Variants in SIN3A observed in about 807,000 individuals in gnomAD.
SIN3A encodes paired amphipathic helix protein Sin3a.
A neutral mutation model predicts 146.1 loss-of-function variants in SIN3A; 14 were observed. The observed-to-expected ratio is 0.10, with a 90% CI of 0.06 to 0.15. The LOEUF (loss-of-function observed/expected upper bound fraction) is 0.15. Ranked by LOEUF, SIN3A falls within the 10% of genes least tolerant of loss-of-function variation. The pLI, the probability that SIN3A is intolerant of heterozygous loss-of-function variation, is 1.00. For synonymous variants in SIN3A, 572 were observed against 572.0 expected (o/e 1.00, Z 0.00); for missense variants, 1,028 against 1,576.0 (o/e 0.65, Z 5.89).
intron 3 of SIN3A, among the ~76,000 whole-genome samples, chr15:75,416,723 C>A (rs1050259768): frequency 5.9e-5 from 9 of 152,250 alleles, no homozygotes; most frequent in African/African-American, 2.2e-4. Flanking sequence ...TCCCTCCCCA[C>A]CTTCACAGAC....
chr15:75,422,599 C>T, intron 3 of SIN3A, 48 bp downstream of exon 3: 1 of 1,599,926 alleles, frequency 6.3e-7, no homozygotes, highest in East Asian at 2.2e-5. Flanking sequence ...ACCAGTATTT[C>T]CTGCTAAAGA....
chr15:75,442,151 A>C (rs1184993679), intron 1 of SIN3A, among the ~76,000 whole-genome samples: 3 of 139,330 alleles, frequency 2.2e-5, no homozygotes, highest in East Asian at 2.0e-4. Context: ...AAAAAAAAAA[A>C]AACTGATTTT....
chr15:75,378,096 A>G (rs1004797488), intron 19 of SIN3A, among the ~76,000 whole-genome samples: 3 of 152,254 alleles, frequency 2.0e-5, no homozygotes, highest in Non-Finnish European at 4.4e-5. Flanking sequence ...ACTGTAAAAT[A>G]TATCAACATT....
chr15:75,431,377 G>C (rs549275407), intron 1 of SIN3A, among the ~76,000 whole-genome samples: 25 of 152,294 alleles, frequency 1.6e-4, no homozygotes, highest in Non-Finnish European at 3.4e-4. Context: ...CTCCGTGGGA[G>C]ACAATTTCAT....
intron 19 of SIN3A, chr15:75,376,133 CCT>C (rs2072851269): frequency 5.7e-6 from 3 of 527,966 alleles, no homozygotes; most frequent in Admixed American, 3.4e-5. Context: ...AACTTCTAGG[CCT>C]CTGTCTGTAA....
upstream of SIN3A, chr15:75,451,709 A>C (rs1451570383): frequency 1.4e-5 from 2 of 140,364 alleles, no homozygotes; most frequent in African/African-American, 2.6e-5. Context: ...AATCCCGCCC[A>C]CTCCCCCGAC....
chr15:75,439,977 C>T (rs1315337906), intron 1 of SIN3A, among the ~76,000 whole-genome samples: 1 of 151,220 alleles, frequency 6.6e-6, no homozygotes, highest in Non-Finnish European at 1.5e-5. Context: ...ATGGTGAAAC[C>T]CCGTCTCTAC....
chr15:75,410,943 C>G lies in SIN3A; in HGVS notation c.1008+549G>C, dbSNP rs188594088. On this transcript the variant is annotated intron_variant, in intron 6 of 20. Transcript: ENST00000394947. ...TGAGCCGACACTGCACTATTGCACT[C>G]CAGCCTAGGCAAAAAGAGCAAAACT... Among the ~76,000 whole-genome samples the G allele has an allele frequency of 8.7e-5, 13 of 148,824 alleles. No homozygotes were observed. The East Asian group carries it at 2.4e-3, about 28-fold the overall frequency.
intron 12 of SIN3A, 63 bp downstream of exon 12, chr15:75,399,977 T>C: frequency 3.4e-6 from 3 of 887,694 alleles, no homozygotes; most frequent in South Asian, 2.7e-5. Flanking sequence ...CAGAGACAGG[T>C]ACTGATAGTC....
At chr15:75,380,124 GCA>G (rs1567314415) in intron 19 of SIN3A, among the ~76,000 whole-genome samples, 1 of 152,176 alleles carries the variant, frequency 6.6e-6, no homozygotes, top group Non-Finnish European at 1.5e-5. Flanking sequence ...AAAAATCCTG[GCA>G]CAGAGTCTCT....
chr15:75,420,749 A>C (rs575538243), intron 3 of SIN3A: 1 of 152,346 alleles, frequency 6.6e-6, no homozygotes, highest in African/African-American at 2.4e-5. Flanking sequence ...ATGCATTTTA[A>C]GACTGATCCA....
intron 1 of SIN3A, among the ~76,000 whole-genome samples, chr15:75,431,235 TCAA>T (rs1346021949): frequency 6.6e-6 from 1 of 152,210 alleles, no homozygotes; most frequent in Non-Finnish European, 1.5e-5. Flanking sequence ...CTACGTAACT[TCAA>T]CAAGTTCCTC....
chr15:75,399,991 C>T lies in SIN3A; in HGVS notation c.1854+49G>A, dbSNP rs773146062. 1.2e-5 allele frequency: 12 copies of T among 1,011,368 alleles called. No individual in the cohort carries two copies. In the African/African-American group the frequency reaches 1.9e-4, roughly 16 times the overall value. 62.6% of individuals were successfully genotyped at this position (1,011,368 alleles called of 1,614,324 possible). A position where few individuals can be genotyped will look rare whatever the true frequency, so the allele number is the denominator to read the frequency against. ...TCAGAGACAGGTACTGATAGTCTCACTGAGCATCTCCCATTTCCCCCAACT... is the reference window on the plus strand; with the variant it reads ...TCAGAGACAGGTACTGATAGTCTCATTGAGCATCTCCCATTTCCCCCAACT... On this transcript the variant is annotated intron_variant, in intron 12 of 20. Coordinates refer to ENST00000394947, the MANE Select transcript of SIN3A (RefSeq NM_001145358.2).
chr15:75,402,038 G>C (rs2073421114), intron 9 of SIN3A, 68 bp from the exon 10 acceptor site: 1 of 982,888 alleles, frequency 1.0e-6, no homozygotes, highest in Non-Finnish European at 1.6e-6. Flanking sequence ...AAAGGGCCTC[G>C]CTCTGTCGCC....
chr15:75,427,896 G>T (rs1019466560), intron 2 of SIN3A, among the ~76,000 whole-genome samples: 2 of 151,422 alleles, frequency 1.3e-5, no homozygotes, highest in East Asian at 2.0e-4. Flanking sequence ...ACTTGAGCCC[G>T]GGAGGCAGAG....
chr15:75,374,573 T>C (rs944865510), intron 20 of SIN3A, among the ~76,000 whole-genome samples: 6 of 152,222 alleles, frequency 3.9e-5, no homozygotes, highest in Non-Finnish European at 4.4e-5. Context: ...AATGTCCCAG[T>C]GCATCTCAAA....
At chr15:75,431,855 C>T (rs987594462) in intron 1 of SIN3A, among the ~76,000 whole-genome samples, 2 of 152,210 alleles carry the variant, frequency 1.3e-5, no homozygotes, top group African/African-American at 4.8e-5. Flanking sequence ...GTTTTTCTCA[C>T]ATTTCACATA....
intron 3 of SIN3A, 42 bp from the exon 4 acceptor site, chr15:75,414,353 G>C: frequency 9.1e-7 from 1 of 1,102,838 alleles, no homozygotes; most frequent in Non-Finnish European, 1.2e-6. Context: ...AAGAAAGTAA[G>C]CTCATAATTA....
intron 16 of SIN3A, among the ~76,000 whole-genome samples, chr15:75,385,500 C>G (rs1595890802): frequency 1.3e-5 from 2 of 152,332 alleles, no homozygotes; most frequent in East Asian, 3.9e-4. Flanking sequence ...TTGAACGTTT[C>G]AGAGTTCCCA....
Sources: allele counts gnomAD v4.1 joint callset (sites outside exome capture counted in the v4.1 genomes callset), GRCh38; gene constraint gnomAD v4.1.1; transcripts MANE v1.5; gene names NCBI Gene and HGNC (gene_info 2026-07-23, HGNC 2026-07-21).